MALRD1: variants seen among roughly 807,000 people sequenced by gnomAD.
MALRD1 encodes MAM and LDL receptor class A domain containing 1.
A neutral mutation model predicts 242.1 loss-of-function variants in MALRD1; 247 were observed. That is an observed-to-expected ratio of 1.02 (90% confidence interval 0.92 to 1.13). The LOEUF is 1.13. MALRD1 is among the 50% of genes most tolerant of loss of function. The pLI is 0.00. For missense variants in MALRD1, 2,989 were observed against 2,533.1 expected, an observed-to-expected ratio of 1.18 and a Z score of -3.86; for synonymous variants, 995 against 866.6, an observed-to-expected ratio of 1.15 and a Z score of -2.60.
chr10:19,439,059 C>A (rs980548992), intron 28 of MALRD1, among the ~76,000 whole-genome samples: 1 of 152,086 alleles, frequency 6.6e-6, no homozygotes, highest in Non-Finnish European at 1.5e-5. Flanking sequence ...CTAATTTCCT[C>A]AAAATTCTCA....
At chr10:19,504,428 A>T (rs1838105572) in intron 31 of MALRD1, among the ~76,000 whole-genome samples, 1 of 151,008 alleles carries the variant, frequency 6.6e-6, no homozygotes, top group South Asian at 2.1e-4. Context: ...GTAGAGAGAG[A>T]CTCCCCTACT....
chr10:19,231,866 AC>A (rs1336809681), intron 18 of MALRD1, among the ~76,000 whole-genome samples: 8 of 151,756 alleles, frequency 5.3e-5, no homozygotes, highest in Non-Finnish European at 2.9e-5. Flanking sequence ...CTATATTTCT[AC>A]TAAAACTTGA....
At chr10:19,343,529 C>T (rs1843976926) in intron 24 of MALRD1, among the ~76,000 whole-genome samples, 1 of 152,108 alleles carries the variant, frequency 6.6e-6, no homozygotes, top group Admixed American at 6.6e-5. Context: ...CAGGAAGCCA[C>T]TACTTTGTTT....
intron 36 of MALRD1, among the ~76,000 whole-genome samples, chr10:19,679,395 A>G (rs974882150): frequency 9.2e-5 from 14 of 152,244 alleles, no homozygotes; most frequent in African/African-American, 3.1e-4. Context: ...GGCAGGGTGT[A>G]TGTGTCCAGG....
At chr10:19,107,499 T>C (rs1331226692) in intron 5 of MALRD1, among the ~76,000 whole-genome samples, 1 of 151,930 alleles carries the variant, frequency 6.6e-6, no homozygotes, top group Non-Finnish European at 1.5e-5. Flanking sequence ...TCCATTCCTT[T>C]AGTTTCTCAG....
rs888295588 is a variant in MALRD1, at chr10:19,124,676, A to G, written c.943+6A>G. The G allele has an allele frequency of 1.9e-5, 24 of 1,233,352 alleles. No homozygotes were observed. The highest frequency in any genetic ancestry group is 2.4e-5 in the Non-Finnish European group (24 of 987,940). 76.4% of individuals were successfully genotyped at this position (1,233,352 alleles called of 1,614,324 possible). On this transcript the variant is annotated splice_donor_region_variant and intron_variant, in intron 7 of 39. Transcript: ENST00000454679. The stretch of plus-strand genomic sequence containing the variant: ...TCAAGGAGGTGATGATGAAGGTAGA[A>G]AAAAAAATAATATCTTTTATGTATT...
intron 26 of MALRD1, among the ~76,000 whole-genome samples, chr10:19,366,427 A>G (rs1015125323): frequency 6.6e-6 from 1 of 152,130 alleles, no homozygotes; most frequent in Non-Finnish European, 1.5e-5. Flanking sequence ...GTAAATACAG[A>G]TGAAGCTTAG....
intron 30 of MALRD1, among the ~76,000 whole-genome samples, chr10:19,497,797 CT>C (rs1464967720): frequency 1.3e-5 from 2 of 151,988 alleles, no homozygotes; most frequent in African/African-American, 4.8e-5. Flanking sequence ...AAAGTAATAA[CT>C]GATGTACAAA....
chr10:19,625,165 C>A (rs188604998), intron 36 of MALRD1, among the ~76,000 whole-genome samples: 1 of 152,190 alleles, frequency 6.6e-6, no homozygotes. Context: ...AGTTCTTTGG[C>A]CACGATCTAT....
At chr10:19,666,466 T>G (rs1841689663) in intron 36 of MALRD1, among the ~76,000 whole-genome samples, 1 of 152,212 alleles carries the variant, frequency 6.6e-6, no homozygotes, top group African/African-American at 2.4e-5. Flanking sequence ...TTCCCTGTTC[T>G]TATTCAGATT....
At chr10:19,496,096 A>T (rs1383932098) in intron 30 of MALRD1, among the ~76,000 whole-genome samples, 1 of 152,186 alleles carries the variant, frequency 6.6e-6, no homozygotes, top group African/African-American at 2.4e-5. Flanking sequence ...CTATGAAGAG[A>T]CTTAGACTCC....
intron 1 of MALRD1, 99 bp from the exon 2 acceptor site, chr10:19,066,620 T>G (rs1270006384): frequency 1.8e-5 from 16 of 905,002 alleles, no homozygotes; most frequent in Non-Finnish European, 2.2e-5. Context: ...TTATGTTGAC[T>G]TATGTCATTT....
At chr10:19,562,067 G>C (rs1176795512) in intron 32 of MALRD1, among the ~76,000 whole-genome samples, 1 of 152,190 alleles carries the variant, frequency 6.6e-6, no homozygotes, top group African/African-American at 2.4e-5. Flanking sequence ...GCAGGCCAAG[G>C]TGGGTGGATC....
rs563989013 is a variant in MALRD1, at chr10:19,100,087, G to A, written c.598-3892G>A. Among the ~76,000 whole-genome samples the A allele has an allele frequency of 9.2e-5, 14 of 151,930 alleles. 1 individual carries two copies. The South Asian group carries it at 2.9e-3, about 32-fold the overall frequency. ...TTTTTTTCTTTTTTTTAATCATCCT[G>A]GGGTTCCACTTTCTTTAGCTAATTT... On this transcript the variant is annotated intron_variant, in intron 4 of 39. Transcript: ENST00000454679.
At chr10:19,304,354 T>TCC (rs1491213473) in intron 21 of MALRD1, among the ~76,000 whole-genome samples, 19 of 151,216 alleles carry the variant, frequency 1.3e-4, no homozygotes, top group African/African-American at 4.6e-4. Flanking sequence ...TCTCTCTCTC[T>TCC]GCCTCTCTGT....
At chr10:19,266,987 A>G (rs954163790) in intron 19 of MALRD1, among the ~76,000 whole-genome samples, 7 of 152,108 alleles carry the variant, frequency 4.6e-5, no homozygotes, top group African/African-American at 1.4e-4. Context: ...TTTGCTTTTC[A>G]TTATTCTTTC....
intron 36 of MALRD1, among the ~76,000 whole-genome samples, chr10:19,669,287 C>G (rs1386383368): frequency 6.6e-6 from 1 of 152,106 alleles, no homozygotes; most frequent in Non-Finnish European, 1.5e-5. Context: ...GCCAACCAAA[C>G]TAAAAATGGA....
chr10:19,545,156 C>G (rs1215970043), intron 32 of MALRD1, among the ~76,000 whole-genome samples: 2 of 152,136 alleles, frequency 1.3e-5, no homozygotes, highest in African/African-American at 4.8e-5. Flanking sequence ...GCAGGCATAT[C>G]TATCCCTCAT....
chr10:19,677,003 G>A (rs1842165383), intron 36 of MALRD1, among the ~76,000 whole-genome samples: 1 of 152,054 alleles, frequency 6.6e-6, no homozygotes, highest in Non-Finnish European at 1.5e-5. Flanking sequence ...ATCTCATTCT[G>A]TTTTGTGGCT....
Sources: allele counts gnomAD v4.1 joint callset (sites outside exome capture counted in the v4.1 genomes callset), GRCh38; gene constraint gnomAD v4.1.1; transcripts MANE v1.5; gene names NCBI Gene and HGNC (gene_info 2026-07-23, HGNC 2026-07-21).